Variants in SMAP2 observed in about 807,000 individuals in gnomAD.
SMAP2 encodes the protein stromal membrane-associated protein 2.
A neutral mutation model predicts 56.4 loss-of-function variants in SMAP2; 25 were observed. The observed-to-expected ratio is 0.44, with a 90% confidence interval of 0.32 to 0.62. The LOEUF (loss-of-function observed/expected upper bound fraction) is 0.62, where lower values mean the gene tolerates loss of function less well. SMAP2 is among the 20% of genes least tolerant of loss of function. The probability of loss-of-function intolerance (pLI) is 0.04; values close to 1 mark genes in which losing one functional copy is unlikely to be tolerated. For missense variants in SMAP2, 388 were observed against 545.6 expected (o/e 0.71, Z 2.88); for synonymous variants, 157 against 181.7 (o/e 0.86, Z 1.09).
intron 1 of SMAP2, among the ~76,000 whole-genome samples, chr1:40,346,464 G>T (rs1400817710): frequency 2.0e-5 from 3 of 151,808 alleles, no homozygotes; most frequent in African/African-American, 7.3e-5. Flanking sequence ...CAACCTCCCG[G>T]CCTCAAGTGA....
intron 5 of SMAP2, among the ~76,000 whole-genome samples, chr1:40,413,634 C>T (rs1355578892): frequency 6.6e-6 from 1 of 152,200 alleles, no homozygotes; most frequent in Non-Finnish European, 1.5e-5. Flanking sequence ...GGAGAGAGGA[C>T]TTTACTTACT....
Position 40,374,600 on chromosome 1 carries a change from T to TGCGTGC in SMAP2, c.103+378_103+379insCGTGCG, listed in dbSNP as rs1557827550. 3.4e-5 allele frequency: 24 copies of TGCGTGC among 699,756 alleles called. No homozygotes were observed. In the African/African-American group the frequency reaches 4.8e-4, roughly 14 times the overall value. 43.3% of individuals were successfully genotyped at this position (699,756 alleles called of 1,614,324 possible). On this transcript the variant is annotated intron_variant, in intron 1 of 9. Transcript: ENST00000372718. The surrounding 1 kb of genome is among the most constrained non-coding windows in gnomAD (Gnocchi z 5.9). The stretch of plus-strand genomic sequence containing the variant: ...CATTGCGTGCGTGCGTGCGTGCGTG[T>TGCGTGC]GTGTGTGTGTGTGTGTGTGTGTGTG...
chr1:40,359,761 C>T (rs1394774654), intron 1 of SMAP2, among the ~76,000 whole-genome samples: 1 of 152,094 alleles, frequency 6.6e-6, no homozygotes, highest in Non-Finnish European at 1.5e-5. Flanking sequence ...CTGATGACAA[C>T]TTAACACTGA....
chr1:40,382,399 C>T (rs957649485), intron 1 of SMAP2, among the ~76,000 whole-genome samples: 3 of 152,318 alleles, frequency 2.0e-5, no homozygotes, highest in Non-Finnish European at 4.4e-5. Flanking sequence ...CTCAGTTCCT[C>T]CAAATGGTAT....
At chr1:40,380,314 G>GT (rs1644584304) in intron 1 of SMAP2, among the ~76,000 whole-genome samples, 1 of 152,068 alleles carries the variant, frequency 6.6e-6, no homozygotes, top group South Asian at 2.1e-4. Context: ...GTCTCTGGAT[G>GT]TTTCCCGATT....
intron 2 of SMAP2, chr1:40,364,878 G>T: frequency 4.7e-6 from 1 of 212,164 alleles, no homozygotes; most frequent in South Asian, 8.8e-5. Flanking sequence ...CAGAGTCTCT[G>T]ATCAAGCAGA....
chr1:40,406,423 G>C (rs938400864), intron 1 of SMAP2, among the ~76,000 whole-genome samples: 6 of 152,204 alleles, frequency 3.9e-5, no homozygotes, highest in Admixed American at 6.5e-5. Context: ...CTGGGAGGAA[G>C]AGCTGGGAGA....
At chr1:40,407,993 GC>G (rs561773631) in intron 2 of SMAP2, among the ~76,000 whole-genome samples, 171 of 152,030 alleles carry the variant, frequency 1.1e-3, no homozygotes, top group Admixed American at 1.7e-3. Context: ...TAAAAGGGAA[GC>G]CCCCCGCCCC....
At chr1:40,406,065 A>G (rs537936692) in intron 1 of SMAP2, among the ~76,000 whole-genome samples, 6 of 152,192 alleles carry the variant, frequency 3.9e-5, no homozygotes, top group Admixed American at 1.3e-4. Context: ...AGGTTGAGCC[A>G]TGGACAAGCA....
chr1:40,349,788 G>T (rs962490978), intron 1 of SMAP2, among the ~76,000 whole-genome samples: 1 of 152,186 alleles, frequency 6.6e-6, no homozygotes, highest in African/African-American at 2.4e-5. Context: ...CAAAGTGCTT[G>T]TATTATAGGC....
At chr1:40,393,399 G>A (rs1258780424) in intron 1 of SMAP2, 1 of 1,535,628 alleles carries the variant, frequency 6.5e-7, no homozygotes, top group Non-Finnish European at 8.7e-7. Flanking sequence ...AGTTGGAATA[G>A]GAAGGAGAAA....
intron 1 of SMAP2, among the ~76,000 whole-genome samples, chr1:40,402,870 C>G (rs552880742): frequency 6.6e-6 from 1 of 152,034 alleles, no homozygotes; most frequent in East Asian, 1.9e-4. Flanking sequence ...GCAAGTTTAC[C>G]AGATTAAAGT....
chr1:40,417,120 A>C (rs1644996627), intron 9 of SMAP2, 24 bp downstream of exon 9: 6 of 1,568,350 alleles, frequency 3.8e-6, no homozygotes, highest in African/African-American at 1.3e-5. Flanking sequence ...TTTTACTTGC[A>C]GCAAGAGTTT....
At chr1:40,401,229 C>CTCCA (rs1235859116) in intron 1 of SMAP2, among the ~76,000 whole-genome samples, 1 of 152,220 alleles carries the variant, frequency 6.6e-6, no homozygotes, top group Admixed American at 6.5e-5. Context: ...CGCCACTGCA[C>CTCCA]TCCAGCCTGG....
chr1:40,412,159 C>T (rs955547582), intron 4 of SMAP2, among the ~76,000 whole-genome samples: 1 of 152,006 alleles, frequency 6.6e-6, no homozygotes, highest in Admixed American at 6.6e-5. Context: ...GAACTTGGTG[C>T]ATTTAACCTT....
chr1:40,404,634 T>G (rs573775661), intron 1 of SMAP2, among the ~76,000 whole-genome samples: 1 of 152,320 alleles, frequency 6.6e-6, no homozygotes, highest in South Asian at 2.1e-4. Context: ...CAAATACATC[T>G]TAACTTGTCT....
chr1:40,387,900 G>C (rs974630888), intron 1 of SMAP2, among the ~76,000 whole-genome samples: 1 of 151,438 alleles, frequency 6.6e-6, no homozygotes, highest in Admixed American at 6.6e-5. Flanking sequence ...TTGTGGGCCA[G>C]CTGGAGTTCC....
At chr1:40,405,679 C>T (rs1644878791) in intron 1 of SMAP2, among the ~76,000 whole-genome samples, 2 of 152,074 alleles carry the variant, frequency 1.3e-5, no homozygotes, top group South Asian at 4.1e-4. Context: ...TGGTAAATTT[C>T]TGCCAAGTGG....
chr1:40,390,157 G>C (rs1174742904), intron 1 of SMAP2, among the ~76,000 whole-genome samples: 1 of 152,174 alleles, frequency 6.6e-6, no homozygotes, highest in African/African-American at 2.4e-5. Flanking sequence ...TTTGATGACT[G>C]ATATTCTGCA....
Sources: gnomAD v4.1 joint callset for allele counts (sites outside exome capture counted in the v4.1 genomes callset) on GRCh38, gnomAD v4.1.1 for gene constraint, Gnocchi (gnomAD v3.1) non-coding constraint, MANE v1.5 for transcripts, NCBI Gene and HGNC (gene_info 2026-07-23, HGNC 2026-07-21) for gene names.